The following FXN variants were observed in gnomAD, a reference collection of about 807,000 sequenced individuals.
FXN encodes frataxin, mitochondrial.
FXN carries 14 observed loss-of-function variants against 22.4 expected under a neutral mutation model. The ratio of observed to expected loss-of-function variants is 0.62; its 90% CI spans 0.41 to 0.98. The LOEUF (loss-of-function observed/expected upper bound fraction) is 0.98. FXN is among the 50% of genes least tolerant of loss of function. The pLI is 0.00. For synonymous variants in FXN, 120 were observed against 114.1 expected, an observed-to-expected ratio of 1.05 and a Z score of -0.33; for missense variants, 267 against 268.4, an observed-to-expected ratio of 0.99 and a Z score of 0.04.
chr9:69,073,871 T>C lies in FXN; in HGVS notation c.*1109T>C. The C allele has an allele frequency of 1.0e-6, 1 of 985,356 alleles. No individual in the cohort carries two copies. Among genetic ancestry groups the C allele is most frequent in the Non-Finnish European group, 1.2e-6 (1 of 829,900 alleles). The allele number at this position is 985,356 out of a possible 1,614,324, so 61.0% of individuals were successfully genotyped here. The stretch of plus-strand genomic sequence containing the variant: ...TGGTGTTGCCCTATCGTGATTTCAG[T>C]TGAATTCATGTGAAAATAATAGCCA... On this transcript the variant is annotated 3_prime_UTR_variant, in exon 5 of 5. Coordinates refer to ENST00000484259, the MANE Select transcript of FXN (RefSeq NM_000144.5).
Position 69,035,830 on chromosome 9 carries a change from C to G in FXN, c.48C>G (p.Pro16=), listed in dbSNP as rs1300387405. The change falls in exon 1 of 5, where the codon CCC becomes CCG. Residue 16 remains proline (P), a synonymous_variant. Transcript: ENST00000484259. ...CAGTAGCCGGCCTCCTGGCGTCACC[C>G]AGCCCAGCCCAGGCCCAGACCCTCA... The part of the protein sequence containing the change: ...RRAVAGLLAS[P]SPAQAQTLTR... 2 of 1,513,188 alleles carry G rather than the reference C, an allele frequency of 1.3e-6. No homozygotes were observed. The highest frequency in any genetic ancestry group is 1.8e-6 in the Non-Finnish European group (2 of 1,137,612). The allele number at this position is 1,513,188 out of a possible 1,614,324, so 93.7% of individuals were successfully genotyped here.
rs1564326328 is a variant in FXN at position 69,035,794 on chromosome 9, C to G, written c.12C>G (p.Leu4=). Residue 4 remains leucine, a synonymous_variant, in exon 1 of 5, where the codon CTC becomes CTG. Coordinates refer to ENST00000484259, the MANE Select transcript of FXN (RefSeq NM_000144.5). The stretch of plus-strand genomic sequence containing the variant: ...AGACCCGGAGCAGCATGTGGACTCT[C>G]GGGCGCCGCGCAGTAGCCGGCCTCC... MWT[L]GRRAVAGLLA... The G allele has an allele frequency of 1.3e-6, 2 of 1,510,736 alleles. No homozygotes were observed. Among genetic ancestry groups the G allele is most frequent in the African/African-American group, 1.4e-5 (1 of 70,110 alleles). The allele number at this position is 1,510,736 out of a possible 1,614,324, so 93.6% of individuals were successfully genotyped here. A position where few individuals can be genotyped will look rare whatever the true frequency, so the allele number is the denominator to read the frequency against.
At position 69,053,280 on chromosome 9, in the gene FXN, A is replaced by G; in HGVS notation, c.384+20A>G. 6.2e-7 allele frequency: 1 copy of G among 1,612,666 alleles called. No homozygotes were observed. Among genetic ancestry groups the G allele is most frequent in the Non-Finnish European group, 8.5e-7 (1 of 1,179,136 alleles). On this transcript the variant is annotated intron_variant, in intron 3 of 4. Coordinates refer to ENST00000484259, the MANE Select transcript of FXN (RefSeq NM_000144.5). ...TTTGGGGTACCTCTTGACTTCTTTT[A>G]TTTTTCTGTTTCCCCCTCTAAGAAT... is the stretch of plus-strand genomic sequence containing the variant.
chr9:69,058,580 A>C (rs1174018883), intron 3 of FXN, among the ~76,000 whole-genome samples: 1 of 151,440 alleles, frequency 6.6e-6, no homozygotes, highest in African/African-American at 2.4e-5. Flanking sequence ...CTCCCAATAA[A>C]AACTTCCATA....
chr9:69,053,380 A>G (rs1831890145), intron 3 of FXN, 120 bp downstream of exon 3: 1 of 1,270,434 alleles, frequency 7.9e-7, no homozygotes, highest in East Asian at 2.4e-5. Flanking sequence ...AGGTAGGATT[A>G]AAAGACTAGG....
chr9:69,056,372 CA>C, intron 3 of FXN, among the ~76,000 whole-genome samples: 1 of 152,318 alleles, frequency 6.6e-6, no homozygotes, highest in East Asian at 1.9e-4. Flanking sequence ...TGAATATTCA[CA>C]AAGGGAGGAT....
intron 2 of FXN, among the ~76,000 whole-genome samples, chr9:69,047,142 G>A (rs1360360169): frequency 6.6e-6 from 1 of 152,116 alleles, no homozygotes; most frequent in Non-Finnish European, 1.5e-5. Flanking sequence ...CACGGCTACA[G>A]TCTACCCCCT....
intron 4 of FXN, among the ~76,000 whole-genome samples, chr9:69,069,625 TC>T (rs1832236911): frequency 6.6e-6 from 1 of 152,152 alleles, no homozygotes; most frequent in African/African-American, 2.4e-5. Flanking sequence ...TGGCTACAAG[TC>T]CCTCTGAAGA....
At chr9:69,064,695 C>T (rs764309306) in intron 3 of FXN, among the ~76,000 whole-genome samples, 1 of 152,156 alleles carries the variant, frequency 6.6e-6, no homozygotes, top group African/African-American at 2.4e-5. Flanking sequence ...GCAGACCTCA[C>T]AGGGAACAGG....
intron 1 of FXN, among the ~76,000 whole-genome samples, chr9:69,045,405 G>A (rs1831731935): frequency 6.6e-6 from 1 of 152,154 alleles, no homozygotes; most frequent in Non-Finnish European, 1.5e-5. Context: ...AGACCAGCCT[G>A]GCCAACATGG....
chr9:69,044,301 A>G (rs1201373781), intron 1 of FXN, among the ~76,000 whole-genome samples: 3 of 152,184 alleles, frequency 2.0e-5, no homozygotes, highest in African/African-American at 7.2e-5. Context: ...TGTCAAGCAG[A>G]TGGAGAACAC....
chr9:69,058,336 A>G (rs1391946343), intron 3 of FXN, among the ~76,000 whole-genome samples: 1 of 152,180 alleles, frequency 6.6e-6, no homozygotes, highest in Non-Finnish European at 1.5e-5. Flanking sequence ...TTGACCTAGT[A>G]AAATCTGCCT....
chr9:69,074,922 G>A lies in FXN; in HGVS notation c.*2160G>A, dbSNP rs1832339519. ...TATGTGTTTGCATCTTGCTTCTACT[G>A]AAAGTTTCAGTGCACCCCACTTACT... On this transcript the variant is annotated 3_prime_UTR_variant, in exon 5 of 5. Coordinates refer to ENST00000484259, the MANE Select transcript of FXN (RefSeq NM_000144.5). 3.0e-6 allele frequency: 3 copies of A among 985,272 alleles called. No individual in the cohort carries two copies. Among genetic ancestry groups the A allele is most frequent in the Admixed American group, 6.2e-5 (1 of 16,252 alleles). The allele number at this position is 985,272 out of a possible 1,614,324, so 61.0% of individuals were successfully genotyped here. A position where few individuals can be genotyped will look rare whatever the true frequency, so the allele number is the denominator to read the frequency against.
At chr9:69,048,126 A>G (rs965886250) in intron 2 of FXN, among the ~76,000 whole-genome samples, 1 of 152,144 alleles carries the variant, frequency 6.6e-6, no homozygotes, top group African/African-American at 2.4e-5. Flanking sequence ...TCCTCCGTGG[A>G]TGGGAGTCTC....
At chr9:69,072,460 C>A in intron 4 of FXN, 152 bp from the exon 5 acceptor site, 2 of 1,339,644 alleles carry the variant, frequency 1.5e-6, no homozygotes, top group Non-Finnish European at 2.1e-6. Flanking sequence ...TTCTTAGATG[C>A]TAAGATAAGA....
intron 3 of FXN, among the ~76,000 whole-genome samples, chr9:69,064,656 T>C (rs1208240423): frequency 6.6e-6 from 1 of 152,064 alleles, no homozygotes; most frequent in East Asian, 1.9e-4. Context: ...GTCACTTAAC[T>C]CTCCGAGCTT....
rs1295948276 is a variant in FXN at position 69,035,870 on chromosome 9, C to A, written c.88C>A (p.Pro30Thr). 3.0e-5 allele frequency: 45 copies of A among 1,486,598 alleles called. No individual in the cohort carries two copies. In the Admixed American group the frequency reaches 3.6e-4, roughly 12 times the overall value. 92.1% of individuals were successfully genotyped at this position (1,486,598 alleles called of 1,614,324 possible). ...CCAGACCCTCACCCGGGTCCCGCGG[C>A]CGGCAGAGTTGGCCCCACTCTGCGG... Reference protein sequence around the residue: ...QAQTLTRVPRPAELAPLCGRR... With the variant: ...QAQTLTRVPRTAELAPLCGRR... Residue 30 changes from proline to threonine, a missense_variant, in exon 1 of 5, where the codon CCG (proline) becomes ACG (threonine). Physicochemically the swap from Pro to Thr is conservative, Grantham distance 38. Transcript: ENST00000484259.
intron 1 of FXN, among the ~76,000 whole-genome samples, chr9:69,040,058 G>A (rs1362193447): frequency 3.3e-5 from 5 of 152,136 alleles, no homozygotes; most frequent in East Asian, 1.9e-4. Flanking sequence ...CCCAGTCACC[G>A]CTTAAAGGCC....
chr9:69,046,055 C>T (rs1379683976), intron 1 of FXN, among the ~76,000 whole-genome samples: 1 of 152,164 alleles, frequency 6.6e-6, no homozygotes, highest in African/African-American at 2.4e-5. Flanking sequence ...TTGCTTTGGT[C>T]TGCGAATCTA....
Sources: gnomAD v4.1 joint callset for allele counts (sites outside exome capture counted in the v4.1 genomes callset) on GRCh38, gnomAD v4.1.1 for gene constraint, MANE v1.5 for transcripts, NCBI Gene and HGNC (gene_info 2026-07-23, HGNC 2026-07-21) for gene names.